The following PDIA3 variants were observed in gnomAD, a reference collection of about 807,000 sequenced individuals.
The protein encoded by PDIA3 is protein disulfide isomerase family A member 3.
Under a neutral mutation model 56.9 loss-of-function variants are expected in PDIA3, and 16 were observed. The observed-to-expected ratio is 0.28, with a 90% confidence interval of 0.19 to 0.43. PDIA3 has a LOEUF of 0.43. PDIA3 is among the 20% of genes least tolerant of loss of function. The pLI is 1.00. For synonymous variants in PDIA3, 192 were observed against 216.5 expected (o/e 0.89, Z 0.99); for missense variants, 485 against 621.3 (o/e 0.78, Z 2.33).
chr15:43,754,920 A>T (rs1256665645), intron 2 of PDIA3, among the ~76,000 whole-genome samples: 1 of 151,628 alleles, frequency 6.6e-6, no homozygotes, highest in African/African-American at 2.4e-5. Context: ...GAACCATTGC[A>T]CTCTAGCCTG....
chr15:43,750,731 C>G (rs1026050622), intron 1 of PDIA3, among the ~76,000 whole-genome samples: 1 of 150,180 alleles, frequency 6.7e-6, no homozygotes, highest in African/African-American at 2.5e-5. Flanking sequence ...GCCAAGATCA[C>G]GCCACTGCAC....
chr15:43,758,282 G>C (rs1482024689), intron 3 of PDIA3, among the ~76,000 whole-genome samples: 1 of 152,114 alleles, frequency 6.6e-6, no homozygotes, highest in Non-Finnish European at 1.5e-5. Context: ...TATGGATGTA[G>C]AGAAATTGGA....
chr15:43,763,328 C>T (rs1042512915), intron 5 of PDIA3, 122 bp downstream of exon 5: 8 of 1,071,098 alleles, frequency 7.5e-6, no homozygotes, highest in African/African-American at 3.2e-5. Flanking sequence ...TCTCTGCTCA[C>T]TGCAGCCTCC....
chr15:43,751,637 C>T, intron 1 of PDIA3: 1 of 1,304,190 alleles, frequency 7.7e-7, no homozygotes. Flanking sequence ...CATTGAAACT[C>T]TTTTTGTGGA....
chr15:43,773,168 G>C lies in PDIA3; in HGVS notation c.*1950G>C, dbSNP rs1439883204. ...CTCCAGGATGAGACCTTTAATGTGG[G>C]ACAATTTCTGGTGAAGGTACTCACA... is the stretch of plus-strand genomic sequence containing the variant. On this transcript the variant is annotated 3_prime_UTR_variant, in exon 13 of 13. Transcript: ENST00000300289. The C allele has an allele frequency of 6.2e-7, 1 of 1,613,832 alleles. No individual in the cohort carries two copies.
chr15:43,751,817 A>G, intron 1 of PDIA3: 1 of 1,190,614 alleles, frequency 8.4e-7, no homozygotes, highest in Non-Finnish European at 1.1e-6. Flanking sequence ...ATAAGCATCT[A>G]GAGTTGACAC....
chr15:43,751,828 C>G (rs2086746360), intron 1 of PDIA3: 1 of 1,119,526 alleles, frequency 8.9e-7, no homozygotes, highest in Non-Finnish European at 1.2e-6. Context: ...GAGTTGACAC[C>G]TACTGGCTTG....
At position 43,753,916 on chromosome 15, in the gene PDIA3, G is replaced by T; in HGVS notation, c.246+14G>T. On this transcript the variant is annotated intron_variant, in intron 2 of 12. Transcript: ENST00000300289. ...CCATTAGCAAAGGTAAGTACAGGTG[G>T]ATTCTTCACTAAAGGACGTGAAGTA... is the stretch of plus-strand genomic sequence containing the variant. The T allele has an allele frequency of 6.4e-7, 1 of 1,565,412 alleles. No homozygotes were observed. The highest frequency in any genetic ancestry group is 1.1e-5 in the South Asian group (1 of 89,818).
At chr15:43,756,605 C>T in intron 2 of PDIA3, 44 bp from the exon 3 acceptor site, 1 of 1,109,766 alleles carries the variant, frequency 9.0e-7, no homozygotes, top group Non-Finnish European at 1.4e-6. Context: ...GAACCTGCAG[C>T]AGAAACTTGG....
At chr15:43,763,640 C>T (rs371451633) in intron 5 of PDIA3, among the ~76,000 whole-genome samples, 21 of 152,182 alleles carry the variant, frequency 1.4e-4, no homozygotes, top group African/African-American at 5.1e-4. Context: ...ACTATTGCTG[C>T]CTTCAAGGAA....
intron 1 of PDIA3, 60 bp downstream of exon 1, chr15:43,746,766 C>T (rs1596016010): frequency 6.3e-7 from 1 of 1,578,736 alleles, no homozygotes; most frequent in Non-Finnish European, 8.7e-7. Context: ...GGCGAGAGCG[C>T]GGGGAACTGT....
chr15:43,751,296 A>T (rs1190844240), intron 1 of PDIA3, among the ~76,000 whole-genome samples: 1 of 151,488 alleles, frequency 6.6e-6, no homozygotes, highest in East Asian at 1.9e-4. Context: ...ATACTGTGTC[A>T]CCCCTGCCAG....
intron 9 of PDIA3, among the ~76,000 whole-genome samples, chr15:43,768,832 C>G (rs2086864442): frequency 6.6e-6 from 1 of 151,828 alleles, no homozygotes; most frequent in Non-Finnish European, 1.5e-5. Context: ...GACCAGCCTG[C>G]CCAACATGGT....
rs1316175409 is a variant in PDIA3 at position 43,772,443 on chromosome 15, TA to T, written c.*1229del. The T allele has an allele frequency of 6.6e-6, 1 of 152,184 alleles. No homozygotes were observed. The highest frequency in any genetic ancestry group is 6.5e-5 in the Admixed American group (1 of 15,268). 9.4% of individuals were successfully genotyped at this position (152,184 alleles called of 1,614,324 possible). ...GGTCACACACAAAGCTTGGAAAAAGTAAAAGATGTCTAAACCATAATCTTGT... is the reference window on the plus strand; with the variant it reads ...GGTCACACACAAAGCTTGGAAAAAGTAAAGATGTCTAAACCATAATCTTGT... On this transcript the variant is annotated 3_prime_UTR_variant, in exon 13 of 13. Transcript: ENST00000300289.
intron 1 of PDIA3, among the ~76,000 whole-genome samples, chr15:43,751,366 G>T (rs566298537): frequency 1.3e-5 from 2 of 152,000 alleles, no homozygotes; most frequent in Non-Finnish European, 2.9e-5. Context: ...ACTTGATAAG[G>T]CACTTATCAA....
rs1390579276 is a variant in PDIA3 at position 43,765,938 on chromosome 15, C to T, written c.771C>T (p.Gly257=). Residue 257 remains glycine (G), a synonymous_variant, in exon 7 of 13, where the codon GGC becomes GGT. Coordinates refer to ENST00000300289, the MANE Select transcript of PDIA3 (RefSeq NM_005313.5). ...MTEDNKDLIQ[G]KDLLIAYYDV... ...AAGACAATAAAGATTTGATACAGGG[C>T]AAGGACTTACTTATTGCTTACTATG... 13 of 1,613,032 alleles carry T rather than the reference C, an allele frequency of 8.1e-6. No individual in the cohort carries two copies. Among genetic ancestry groups the T allele is most frequent in the African/African-American group, 1.3e-5 (1 of 74,872 alleles).
intron 2 of PDIA3, among the ~76,000 whole-genome samples, chr15:43,755,930 A>C (rs563620529): frequency 6.6e-6 from 1 of 152,112 alleles, no homozygotes; most frequent in African/African-American, 2.4e-5. Flanking sequence ...AAAAAAAAAA[A>C]ATTCAATCAC....
In PDIA3 at chr15:43,771,222, A is replaced by T; in HGVS notation, c.*4A>T. The T allele has an allele frequency of 6.3e-7, 1 of 1,577,546 alleles. No homozygotes were observed. The highest frequency in any genetic ancestry group is 8.7e-7 in the Non-Finnish European group (1 of 1,149,470). On this transcript the variant is annotated 3_prime_UTR_variant, in exon 13 of 13. Transcript: ENST00000300289. ...GAAGGCACAGGAGGATCTCTAAAGC[A>T]GTAGCCAAACACCACTTTGTAAAAG...
chr15:43,759,029 G>A (rs1357884689), intron 3 of PDIA3, among the ~76,000 whole-genome samples: 6 of 152,006 alleles, frequency 3.9e-5, no homozygotes, highest in Non-Finnish European at 7.4e-5. Flanking sequence ...GGTGGCTCAC[G>A]TCTGTAATCC....
Sources: allele counts gnomAD v4.1 joint callset (sites outside exome capture counted in the v4.1 genomes callset), GRCh38; gene constraint gnomAD v4.1.1; transcripts MANE v1.5; gene names NCBI Gene and HGNC (gene_info 2026-07-23, HGNC 2026-07-21).